The following ADAMTS19 variants were observed in gnomAD, a reference collection of about 807,000 sequenced individuals.
The protein encoded by ADAMTS19 is A disintegrin and metalloproteinase with thrombospondin motifs 19.
A neutral mutation model predicts 153.3 loss-of-function variants in ADAMTS19; 93 were observed. The observed-to-expected ratio is 0.61, with a 90% CI of 0.51 to 0.72. ADAMTS19 has a LOEUF of 0.72. Among genes scored for constraint, ADAMTS19 ranks in the 30% least tolerant of loss-of-function variants. The pLI, the probability that ADAMTS19 is intolerant of heterozygous loss-of-function variation, is 0.00. For missense variants in ADAMTS19, 1,482 were observed against 1,552.1 expected, an observed-to-expected ratio of 0.95 and a Z score of 0.76; for synonymous variants, 600 against 556.6, an observed-to-expected ratio of 1.08 and a Z score of -1.10.
At chr5:129,480,156 T>TA (rs1245830025) in intron 2 of ADAMTS19, among the ~76,000 whole-genome samples, 2 of 152,184 alleles carry the variant, frequency 1.3e-5, no homozygotes, top group Non-Finnish European at 2.9e-5. Flanking sequence ...TATGGCTAGT[T>TA]GATTTTCAAG....
rs148235824 is a variant in ADAMTS19, at chr5:129,559,507, A to T, written c.1372+7600A>T. Among the ~76,000 whole-genome samples, 874 of 152,260 alleles carry T rather than the reference A, an allele frequency of 5.7e-3. 3 individuals carry two copies. The highest frequency in any genetic ancestry group is 8.9e-3 in the Non-Finnish European group (604 of 67,976). On this transcript the variant is annotated intron_variant, in intron 7 of 22. Transcript: ENST00000274487. The stretch of plus-strand genomic sequence containing the variant: ...ATGAAATTAAAATCTTACATTATAA[A>T]GTGATGGCAAGTATGTGAATCTATG...
chr5:129,687,549 T>C (rs773832969), intron 18 of ADAMTS19, among the ~76,000 whole-genome samples: 1 of 152,142 alleles, frequency 6.6e-6, no homozygotes, highest in Non-Finnish European at 1.5e-5. Context: ...GGAATAGAGG[T>C]TGACTATAAA....
At chr5:129,622,138 C>A in intron 9 of ADAMTS19, 60 bp from the exon 10 acceptor site, 6 of 1,566,130 alleles carry the variant, frequency 3.8e-6, no homozygotes, top group Non-Finnish European at 5.3e-6. Flanking sequence ...TGTATGCTAA[C>A]CAATCATATC....
intron 21 of ADAMTS19, among the ~76,000 whole-genome samples, chr5:129,713,586 C>T (rs1045350640): frequency 4.6e-5 from 7 of 151,994 alleles, no homozygotes; most frequent in South Asian, 2.1e-4. Context: ...CATGGCAAAA[C>T]GCTGACTCTC....
At chr5:129,635,192 C>A (rs903439861) in intron 10 of ADAMTS19, among the ~76,000 whole-genome samples, 1 of 152,134 alleles carries the variant, frequency 6.6e-6, no homozygotes, top group Non-Finnish European at 1.5e-5. Context: ...AAATGCAAAT[C>A]AAAACCACAA....
intron 2 of ADAMTS19, among the ~76,000 whole-genome samples, chr5:129,476,621 A>G (rs575294575): frequency 6.6e-6 from 1 of 152,198 alleles, no homozygotes; most frequent in African/African-American, 2.4e-5. Flanking sequence ...AGTACTTTTT[A>G]TTAAAAACCA....
chr5:129,477,520 G>A (rs1460358139), intron 2 of ADAMTS19, among the ~76,000 whole-genome samples: 3 of 152,134 alleles, frequency 2.0e-5, no homozygotes, highest in Non-Finnish European at 4.4e-5. Context: ...TGTGTTTTAA[G>A]TTTAAGAATA....
chr5:129,470,343 A>G lies in ADAMTS19; in HGVS notation c.747+8586A>G, dbSNP rs115685736. On this transcript the variant is annotated intron_variant, in intron 2 of 22. Coordinates refer to ENST00000274487, the MANE Select transcript of ADAMTS19 (RefSeq NM_133638.6). ...TTATGTCTTTGTATTTGCAAAATGA[A>G]GAAGAATCAGAGGAGTTGCAGGTTC... is the stretch of plus-strand genomic sequence containing the variant. 9.7e-3 allele frequency among the ~76,000 whole-genome samples: 1,472 copies of G among 152,344 alleles called. 24 individuals are homozygous for G. Among genetic ancestry groups the G allele is most frequent in the African/African-American group, 0.034 (1,431 of 41,578 alleles).
rs77309069 is a variant in ADAMTS19, at chr5:129,657,190, G to A, written c.2305-1427G>A. 4.1e-4 allele frequency among the ~76,000 whole-genome samples: 62 copies of A among 152,158 alleles called. 1 individual carries two copies. Among genetic ancestry groups the A allele is most frequent in the African/African-American group, 5.3e-4 (22 of 41,494 alleles). ...GTACCTCTTGACACTGATAGGCCCC[G>A]CTTGACAAAAGGAAGGAATGCTGTA... On this transcript the variant is annotated intron_variant, in intron 14 of 22. Transcript: ENST00000274487.
rs371024502 is a variant in ADAMTS19 at position 129,526,289 on chromosome 5, G to C, written c.919G>C (p.Gly307Arg). The C allele has an allele frequency of 6.4e-7, 1 of 1,568,706 alleles. No individual in the cohort carries two copies. Among genetic ancestry groups the C allele is most frequent in the Non-Finnish European group, 8.6e-7 (1 of 1,163,610 alleles). Residue 307 changes from glycine (G) to arginine (R), a missense_variant, in exon 4 of 23, where the codon GGA (glycine) becomes CGA (arginine). Transcript: ENST00000274487. Reference protein sequence around the residue: ...SHYCGIISDKGRPRSRKIAES... With the variant: ...SHYCGIISDKRRPRSRKIAES... Reference sequence around the variant, plus strand: ...AATTCAATTCTCTGTTGCAGATAAAGGAAGACCTAGGTCTAGAAAAATAGC... The same window carrying C: ...AATTCAATTCTCTGTTGCAGATAAACGAAGACCTAGGTCTAGAAAAATAGC...
chr5:129,658,377 G>GAGAGA (rs1318590344), intron 14 of ADAMTS19, among the ~76,000 whole-genome samples: 5 of 148,280 alleles, frequency 3.4e-5, no homozygotes, highest in African/African-American at 7.8e-5. Flanking sequence ...AAGAGAGAGA[G>GAGAGA]GAAGGAAGGA....
chr5:129,466,007 C>A (rs1175986855), intron 2 of ADAMTS19, among the ~76,000 whole-genome samples: 2 of 152,144 alleles, frequency 1.3e-5, no homozygotes, highest in Non-Finnish European at 2.9e-5. Flanking sequence ...CAGGGAAAGG[C>A]AATGCAGTGA....
chr5:129,599,089 T>TAAAA (rs55892109), intron 8 of ADAMTS19, among the ~76,000 whole-genome samples: 3 of 148,808 alleles, frequency 2.0e-5, no homozygotes, highest in Non-Finnish European at 1.5e-5. Flanking sequence ...ATTTATTACT[T>TAAAA]AAAAAAAAAA....
At chr5:129,487,836 CAATTCTAAATT>C (rs1162356777) in intron 2 of ADAMTS19, among the ~76,000 whole-genome samples, 1 of 152,006 alleles carries the variant, frequency 6.6e-6, no homozygotes, top group Non-Finnish European at 1.5e-5. Context: ...CATATGTCTT[CAATTCTAAATT>C]AATTTACTCT....
chr5:129,590,368 GT>G (rs1750061520), intron 7 of ADAMTS19, among the ~76,000 whole-genome samples: 1 of 152,030 alleles, frequency 6.6e-6, no homozygotes, highest in Admixed American at 6.6e-5. Context: ...ATTTCTACGT[GT>G]TTTTAGCGAA....
intron 2 of ADAMTS19, among the ~76,000 whole-genome samples, chr5:129,485,754 A>C (rs1399105957): frequency 6.6e-6 from 1 of 152,192 alleles, no homozygotes; most frequent in Non-Finnish European, 1.5e-5. Context: ...TTAAAAATGT[A>C]GAACATGGTG....
chr5:129,526,200 G>A, intron 3 of ADAMTS19, 84 bp from the exon 4 acceptor site: 1 of 1,169,030 alleles, frequency 8.6e-7, no homozygotes, highest in South Asian at 2.0e-5. Flanking sequence ...GAACTTATTT[G>A]GGTTTGCTCA....
chr5:129,573,411 A>G (rs1169033707), intron 7 of ADAMTS19, among the ~76,000 whole-genome samples: 2 of 151,978 alleles, frequency 1.3e-5, no homozygotes, highest in Non-Finnish European at 2.9e-5. Flanking sequence ...CACGCATCAC[A>G]TTTCAGTATG....
At chr5:129,623,410 T>C (rs942339174) in intron 10 of ADAMTS19, among the ~76,000 whole-genome samples, 1 of 152,116 alleles carries the variant, frequency 6.6e-6, no homozygotes, top group African/African-American at 2.4e-5. Context: ...AGGAATAAAC[T>C]GATAACCACA....
Sources: gnomAD v4.1 joint callset for allele counts (sites outside exome capture counted in the v4.1 genomes callset) on GRCh38, gnomAD v4.1.1 for gene constraint, MANE v1.5 for transcripts, NCBI Gene and HGNC (gene_info 2026-07-23, HGNC 2026-07-21) for gene names.